The following PARK7 variants were observed in gnomAD, a reference collection of about 807,000 sequenced individuals.
PARK7 encodes Parkinson disease protein 7.
PARK7 carries 14 observed loss-of-function variants against 20.5 expected under a neutral mutation model. That is an observed-to-expected ratio of 0.68 (90% CI 0.45 to 1.07). The LOEUF is 1.07. Ranked by LOEUF, PARK7 falls within the 50% of genes least tolerant of loss-of-function variation. PARK7 has a pLI of 0.00. For synonymous variants in PARK7, 98 were observed against 84.3 expected (o/e 1.16, Z -0.89); for missense variants, 234 against 238.1 (o/e 0.98, Z 0.11).
intron 5 of PARK7, among the ~76,000 whole-genome samples, chr1:7,973,268 A>C (rs1640502433): frequency 6.6e-6 from 1 of 152,234 alleles, no homozygotes; most frequent in African/African-American, 2.4e-5. Context: ...TCTCTGCCAA[A>C]GGGCACTGCA....
rs370785309 is a variant in PARK7, at chr1:7,973,244, G to A, written c.322+2281G>A. Among the ~76,000 whole-genome samples the A allele has an allele frequency of 4.6e-5, 7 of 152,304 alleles. No homozygotes were observed. In the East Asian group the frequency reaches 1.4e-3, roughly 29 times the overall value. On this transcript the variant is annotated intron_variant, in intron 5 of 6. Coordinates refer to ENST00000338639, the MANE Select transcript of PARK7 (RefSeq NM_007262.5). Reference sequence around the variant, plus strand: ...CCACTAGCCTTTTGACCTGCCCTGAGGCTCAGGTAATTATCTCTGCCAAAG... The same window carrying A: ...CCACTAGCCTTTTGACCTGCCCTGAAGCTCAGGTAATTATCTCTGCCAAAG...
intron 6 of PARK7, among the ~76,000 whole-genome samples, chr1:7,983,350 G>T (rs1640751560): frequency 6.6e-6 from 1 of 152,234 alleles, no homozygotes; most frequent in Non-Finnish European, 1.5e-5. Flanking sequence ...CGCTAAATCT[G>T]TTCTGTGGCC....
At chr1:7,963,295 C>T (rs1354022554) in intron 2 of PARK7, among the ~76,000 whole-genome samples, 1 of 152,122 alleles carries the variant, frequency 6.6e-6, no homozygotes, top group African/African-American at 2.4e-5. Flanking sequence ...AACTCCTGAG[C>T]TCAAGTTGTC....
intron 5 of PARK7, among the ~76,000 whole-genome samples, chr1:7,972,747 T>C (rs577655435): frequency 6.6e-6 from 1 of 151,684 alleles, no homozygotes; most frequent in East Asian, 2.0e-4. Context: ...CTACTAAAAA[T>C]ACAAAAGTTA....
intron 3 of PARK7, among the ~76,000 whole-genome samples, chr1:7,967,358 CTG>C (rs1640351651): frequency 6.6e-6 from 1 of 152,048 alleles, no homozygotes; most frequent in Admixed American, 6.6e-5. Flanking sequence ...GCTAGTGTGA[CTG>C]TTGGTGTAGT....
chr1:7,965,280 T>C (rs557530715), intron 2 of PARK7, 44 bp from the exon 3 acceptor site: 1 of 1,534,534 alleles, frequency 6.5e-7, no homozygotes, highest in South Asian at 1.1e-5. Context: ...TTACTCTGAA[T>C]TTATGTTTCA....
intron 5 of PARK7, chr1:7,971,248 C>G: frequency 2.2e-6 from 1 of 460,976 alleles, no homozygotes. Context: ...CAGTAAACAG[C>G]TTGTTACAGC....
At position 7,985,195 on chromosome 1, in the gene PARK7, C is replaced by A; in HGVS notation, c.*141C>A. ...TACTTTTGCGGAAGTATGGAAGTCA[C>A]AACTACACAGAGATTTCTCAGCCTA... is the stretch of plus-strand genomic sequence containing the variant. On this transcript the variant is annotated 3_prime_UTR_variant, in exon 7 of 7. Coordinates refer to ENST00000338639, the MANE Select transcript of PARK7 (RefSeq NM_007262.5). 9.0e-7 allele frequency: 1 copy of A among 1,108,816 alleles called. No individual in the cohort carries two copies. The highest frequency in any genetic ancestry group is 1.3e-6 in the Non-Finnish European group (1 of 760,974). The allele number at this position is 1,108,816 out of a possible 1,614,324, so 68.7% of individuals were successfully genotyped here.
intron 2 of PARK7, among the ~76,000 whole-genome samples, chr1:7,964,621 A>G (rs966186585): frequency 1.3e-5 from 2 of 152,168 alleles, no homozygotes; most frequent in East Asian, 1.9e-4. Context: ...ACTAGGCCGA[A>G]GGATAGCCTG....
At chr1:7,973,907 CAAAAAAAA>C (rs781083944) in intron 5 of PARK7, among the ~76,000 whole-genome samples, 4 of 74,350 alleles carry the variant, frequency 5.4e-5, no homozygotes, top group Non-Finnish European at 9.0e-5. Flanking sequence ...GACTTCGTTT[CAAAAAAAA>C]AAAAAAAAAA....
chr1:7,970,003 G>A (rs1640429674), intron 4 of PARK7, among the ~76,000 whole-genome samples: 1 of 152,180 alleles, frequency 6.6e-6, no homozygotes, highest in Non-Finnish European at 1.5e-5. Context: ...ACCAGCCTAA[G>A]TAACACATCG....
chr1:7,962,805 T>TAGAG lies in PARK7; in HGVS notation c.20_21insAGAG (p.Val8GlufsTer6). ...ATAAAAATGGCTTCCAAAAGAGCTC[T>TAGAG]GGTCATCCTGGCTAAAGGAGCAGAG... is the stretch of plus-strand genomic sequence containing the variant. On this transcript the variant is annotated frameshift_variant, in exon 2 of 7. Coordinates refer to ENST00000338639, the MANE Select transcript of PARK7 (RefSeq NM_007262.5). LOFTEE classifies it high-confidence loss of function. 6.2e-7 allele frequency: 1 copy of TAGAG among 1,612,804 alleles called. No homozygotes were observed. The highest frequency in any genetic ancestry group is 8.5e-7 in the Non-Finnish European group (1 of 1,179,334).
chr1:7,980,227 G>A (rs1271074055), intron 6 of PARK7, among the ~76,000 whole-genome samples: 1 of 151,974 alleles, frequency 6.6e-6, no homozygotes, highest in African/African-American at 2.4e-5. Flanking sequence ...TTAAATGTAG[G>A]AATTTAATTT....
chr1:7,973,907 CAAAA>C (rs781083944), intron 5 of PARK7, among the ~76,000 whole-genome samples: 2 of 74,322 alleles, frequency 2.7e-5, no homozygotes, highest in Admixed American at 3.2e-4. Flanking sequence ...GACTTCGTTT[CAAAA>C]AAAAAAAAAA....
Position 7,970,914 on chromosome 1 carries a change from A to C in PARK7, c.273A>C (p.Ile91=), listed in dbSNP as rs1324468611. 1.9e-6 allele frequency: 3 copies of C among 1,614,050 alleles called. No homozygotes were observed. Among genetic ancestry groups the C allele is most frequent in the Non-Finnish European group, 2.5e-6 (3 of 1,180,032 alleles). Residue 91 remains isoleucine, a synonymous_variant, in exon 5 of 7, where the codon ATA becomes ATC. Transcript: ENST00000338639. ...ACTAGTCTGCTGCTGTGAAGGAGAT[A>C]CTGAAGGAGCAGGAAAACCGGAAGG... The part of the protein sequence containing the change: ...NLSESAAVKE[I]LKEQENRKGL...
chr1:7,977,508 T>C, intron 5 of PARK7, 144 bp from the exon 6 acceptor site: 1 of 686,908 alleles, frequency 1.5e-6, no homozygotes, highest in South Asian at 1.7e-5. Flanking sequence ...TGATGTTGAA[T>C]TCCTGGGCTC....
At position 7,971,857 on chromosome 1, in the gene PARK7, C is replaced by T. The variant is rs372606268; in HGVS notation, c.322+894C>T. 6.6e-3 allele frequency: 1,000 copies of T among 152,136 alleles called. 7 individuals carry two copies. Among genetic ancestry groups the T allele is most frequent in the South Asian group, 0.021 (101 of 4,822 alleles). 9.4% of individuals were successfully genotyped at this position (152,136 alleles called of 1,614,324 possible). ...CTGAGGCAGGAGAATCGCTTGAACC[C>T]GGGAGGCGGAGGTTGCAGTGAGCCG... On this transcript the variant is annotated intron_variant, in intron 5 of 6. Coordinates refer to ENST00000338639, the MANE Select transcript of PARK7 (RefSeq NM_007262.5).
At chr1:7,972,022 A>G (rs1640476302) in intron 5 of PARK7, 1 of 152,258 alleles carries the variant, frequency 6.6e-6, no homozygotes, top group African/African-American at 2.4e-5. Context: ...GGTAAACATC[A>G]ACATCAAAAC....
At chr1:7,968,012 G>C (rs1210510107) in intron 3 of PARK7, among the ~76,000 whole-genome samples, 1 of 151,660 alleles carries the variant, frequency 6.6e-6, no homozygotes, top group Non-Finnish European at 1.5e-5. Context: ...ACTTTTTAAA[G>C]TACTAAAGTA....
Sources: gnomAD v4.1 joint callset for allele counts (sites outside exome capture counted in the v4.1 genomes callset) on GRCh38, gnomAD v4.1.1 for gene constraint, MANE v1.5 for transcripts, NCBI Gene and HGNC (gene_info 2026-07-23, HGNC 2026-07-21) for gene names.